CSNK1G1: variants seen among roughly 807,000 people sequenced by gnomAD.
CSNK1G1 encodes casein kinase I isoform gamma-1.
In CSNK1G1, 22 loss-of-function variants were observed where a neutral mutation model predicts 59.6. The ratio of observed to expected loss-of-function variants is 0.37; its 90% CI spans 0.26 to 0.53. The LOEUF (loss-of-function observed/expected upper bound fraction) is 0.53, where lower values mean the gene tolerates loss of function less well. CSNK1G1 is among the 20% of genes least tolerant of loss of function. The pLI is 0.89. For missense variants in CSNK1G1, 384 were observed against 519.5 expected, an observed-to-expected ratio of 0.74 and a Z score of 2.54; for synonymous variants, 179 against 177.1, an observed-to-expected ratio of 1.01 and a Z score of -0.08.
intron 10 of CSNK1G1, among the ~76,000 whole-genome samples, chr15:64,198,772 AG>A (rs1395490021): frequency 5.9e-5 from 9 of 152,138 alleles, no homozygotes; most frequent in African/African-American, 1.9e-4. Context: ...TAAAGATAGA[AG>A]AAATGTAATA....
intron 6 of CSNK1G1, among the ~76,000 whole-genome samples, chr15:64,211,493 T>G (rs186988700): frequency 8.5e-5 from 13 of 152,202 alleles, no homozygotes; most frequent in African/African-American, 3.1e-4. Context: ...GGGGGTAAAC[T>G]CAAAAGTCCC....
At chr15:64,341,342 A>C (rs1270289883) in intron 1 of CSNK1G1, among the ~76,000 whole-genome samples, 1 of 151,148 alleles carries the variant, frequency 6.6e-6, no homozygotes, top group African/African-American at 2.5e-5. Context: ...GTTTCACTAC[A>C]TTGGCCAGGA....
At chr15:64,215,302 T>A (rs1173666658) in intron 5 of CSNK1G1, among the ~76,000 whole-genome samples, 2 of 133,928 alleles carry the variant, frequency 1.5e-5, no homozygotes, top group Non-Finnish European at 3.1e-5. Flanking sequence ...AAGCTCCACC[T>A]CCTGGGTTCA....
intron 2 of CSNK1G1, among the ~76,000 whole-genome samples, chr15:64,299,636 C>T (rs1274556123): frequency 2.0e-5 from 3 of 151,512 alleles, no homozygotes; most frequent in Admixed American, 2.0e-4. Context: ...CCCAATGTAC[C>T]TTCTTCCCAA....
chr15:64,169,499 C>G lies in CSNK1G1; in HGVS notation c.*2432G>C, dbSNP rs1348465769. On this transcript the variant is annotated 3_prime_UTR_variant, in exon 12 of 12. Transcript: ENST00000303052. ...CCACTTGCCTTGGCCTCCCAAACTG[C>G]TGGGATTACAGGCGTGAGCCACTGC... 2 of 152,116 alleles carry G rather than the reference C, an allele frequency of 1.3e-5. No homozygotes were observed. The highest frequency in any genetic ancestry group is 2.9e-5 in the Non-Finnish European group (2 of 68,224). 9.4% of individuals were successfully genotyped at this position (152,116 alleles called of 1,614,324 possible). A position where few individuals can be genotyped will look rare whatever the true frequency, so the allele number is the denominator to read the frequency against.
intron 1 of CSNK1G1, among the ~76,000 whole-genome samples, chr15:64,349,050 T>A (rs1025460625): frequency 6.6e-6 from 1 of 151,158 alleles, no homozygotes; most frequent in Non-Finnish European, 1.5e-5. Context: ...GGCAAGAGAA[T>A]TGCCTGAACC....
intron 2 of CSNK1G1, among the ~76,000 whole-genome samples, chr15:64,280,150 G>A (rs753094445): frequency 1.5e-4 from 23 of 152,192 alleles, no homozygotes; most frequent in Admixed American, 1.1e-3. Context: ...AGAAGTACAC[G>A]TATATACGCG....
At chr15:64,262,383 G>A (rs1015208757) in intron 2 of CSNK1G1, among the ~76,000 whole-genome samples, 2 of 152,172 alleles carry the variant, frequency 1.3e-5, no homozygotes, top group East Asian at 3.8e-4. Flanking sequence ...GAGTCCTGAC[G>A]GATGAACAGA....
At chr15:64,311,482 G>A (rs1414566694) in intron 1 of CSNK1G1, among the ~76,000 whole-genome samples, 1 of 152,126 alleles carries the variant, frequency 6.6e-6, no homozygotes, top group African/African-American at 2.4e-5. Context: ...AGTGTTCCTA[G>A]TTAAATCAAC....
At chr15:64,177,833 A>G (rs2081759092) in intron 11 of CSNK1G1, among the ~76,000 whole-genome samples, 1 of 152,260 alleles carries the variant, frequency 6.6e-6, no homozygotes, top group Admixed American at 6.5e-5. Flanking sequence ...ACATAAAACT[A>G]AAGCCCATTT....
chr15:64,195,990 G>A (rs2082033312), intron 10 of CSNK1G1, among the ~76,000 whole-genome samples: 2 of 152,192 alleles, frequency 1.3e-5, no homozygotes, highest in South Asian at 2.1e-4. Flanking sequence ...CGTTACTTGG[G>A]AGGCTGAGGC....
intron 2 of CSNK1G1, among the ~76,000 whole-genome samples, chr15:64,296,425 A>G (rs938973220): frequency 6.6e-6 from 1 of 152,070 alleles, no homozygotes; most frequent in Non-Finnish European, 1.5e-5. Context: ...CCAGCCCCCA[A>G]TCTGCTATAT....
intron 1 of CSNK1G1, 56 bp from the exon 2 acceptor site, chr15:64,300,779 G>T: frequency 9.5e-7 from 1 of 1,051,656 alleles, no homozygotes; most frequent in Non-Finnish European, 1.2e-6. Flanking sequence ...AACAAATTCA[G>T]AAAGTCACTA....
At chr15:64,292,797 G>A (rs1453018237) in intron 2 of CSNK1G1, among the ~76,000 whole-genome samples, 3 of 151,928 alleles carry the variant, frequency 2.0e-5, no homozygotes, top group Non-Finnish European at 4.4e-5. Flanking sequence ...GCATGGTGGC[G>A]GGCACCTGTA....
intron 10 of CSNK1G1, among the ~76,000 whole-genome samples, chr15:64,186,506 T>TTTTGC (rs1220021741): frequency 5.9e-5 from 9 of 152,098 alleles, no homozygotes; most frequent in Non-Finnish European, 1.0e-4. Flanking sequence ...TTTTGTTTTG[T>TTTTGC]TTTGTTTTGT....
At chr15:64,249,303 G>T (rs1891942656) in intron 4 of CSNK1G1, among the ~76,000 whole-genome samples, 1 of 152,100 alleles carries the variant, frequency 6.6e-6, no homozygotes, top group South Asian at 2.1e-4. Context: ...TCTTACACTA[G>T]CGGGTAGGGG....
intron 3 of CSNK1G1, among the ~76,000 whole-genome samples, chr15:64,253,376 T>C (rs1349232812): frequency 1.3e-5 from 2 of 151,976 alleles, no homozygotes; most frequent in East Asian, 3.9e-4. Context: ...AAGCTCAACA[T>C]CTGCACACCC....
intron 2 of CSNK1G1, among the ~76,000 whole-genome samples, chr15:64,297,466 TG>T (rs1265029875): frequency 3.9e-5 from 6 of 152,048 alleles, no homozygotes; most frequent in Non-Finnish European, 8.8e-5. Flanking sequence ...CCCAACACTT[TG>T]GAAGGCCAAG....
chr15:64,299,469 G>A (rs1176308349), intron 2 of CSNK1G1, among the ~76,000 whole-genome samples: 2 of 151,936 alleles, frequency 1.3e-5, no homozygotes, highest in South Asian at 2.1e-4. Flanking sequence ...GCGGATGCCT[G>A]TAGTCCCAGC....
Sources: allele counts gnomAD v4.1 joint callset (sites outside exome capture counted in the v4.1 genomes callset), GRCh38; gene constraint gnomAD v4.1.1; transcripts MANE v1.5; gene names NCBI Gene and HGNC (gene_info 2026-07-23, HGNC 2026-07-21).